The following PIK3C3 variants were observed in gnomAD, a reference collection of about 807,000 sequenced individuals.
PIK3C3 encodes the protein PI3-kinase type 3.
A neutral mutation model predicts 126.1 loss-of-function variants in PIK3C3; 95 were observed. The ratio of observed to expected loss-of-function variants is 0.75; its 90% CI spans 0.64 to 0.89. PIK3C3 has a LOEUF of 0.89. PIK3C3 is among the 40% of genes least tolerant of loss of function. PIK3C3 has a pLI of 0.00. For synonymous variants in PIK3C3, 374 were observed against 360.0 expected (o/e 1.04, Z -0.44); for missense variants, 829 against 1,063.2 (o/e 0.78, Z 3.06).
chr18:42,047,436 C>T (rs558542655), intron 20 of PIK3C3, among the ~76,000 whole-genome samples: 32 of 152,200 alleles, frequency 2.1e-4, no homozygotes, highest in African/African-American at 7.5e-4. Context: ...AATTTAATAT[C>T]CCTCAGTAAG....
rs1598919198 is a variant in PIK3C3 at position 42,037,715 on chromosome 18, G to T, written c.1863G>T (p.Leu621Phe). Residue 621 changes from leucine (L) to phenylalanine (F), a missense_variant, in exon 17 of 25, where the codon TTG (leucine) becomes TTT (phenylalanine). Coordinates refer to ENST00000262039, the MANE Select transcript of PIK3C3 (RefSeq NM_002647.4). Reference protein sequence around the residue: ...LFKSALMPAQLFFKTEDGGKY... With the variant: ...LFKSALMPAQFFFKTEDGGKY... ...AGAGTGCCCTTATGCCTGCACAGTT[G>T]TTTTTTAAGACGGAAGATGGAGGCA... The T allele has an allele frequency of 6.2e-7, 1 of 1,611,994 alleles. No homozygotes were observed. Among genetic ancestry groups the T allele is most frequent in the Non-Finnish European group, 8.5e-7 (1 of 1,178,558 alleles).
chr18:41,969,779 G>A (rs960011901), intron 3 of PIK3C3, among the ~76,000 whole-genome samples: 2 of 152,070 alleles, frequency 1.3e-5, no homozygotes, highest in African/African-American at 4.8e-5. Flanking sequence ...GTTACCTTGT[G>A]GGATACAAGT....
chr18:42,006,833 A>C (rs1178950477), intron 10 of PIK3C3, among the ~76,000 whole-genome samples: 1 of 146,740 alleles, frequency 6.8e-6, no homozygotes, highest in Non-Finnish European at 1.5e-5. Context: ...GGGGGAGGGT[A>C]GGTGGGTATG....
chr18:42,008,677 G>A (rs371073561), intron 10 of PIK3C3, among the ~76,000 whole-genome samples: 1 of 148,294 alleles, frequency 6.7e-6, no homozygotes, highest in Non-Finnish European at 1.5e-5. Flanking sequence ...TGGAAGCCTG[G>A]TTTTTTTTTT....
chr18:42,021,991 C>T (rs1196280540), intron 13 of PIK3C3, among the ~76,000 whole-genome samples: 3 of 152,174 alleles, frequency 2.0e-5, no homozygotes, highest in South Asian at 2.1e-4. Flanking sequence ...ATACAAAATA[C>T]GATTTTGTTT....
chr18:42,028,653 T>G (rs958985439), intron 14 of PIK3C3, among the ~76,000 whole-genome samples: 3 of 152,238 alleles, frequency 2.0e-5, no homozygotes, highest in Non-Finnish European at 1.5e-5. Flanking sequence ...CTAATCTCGT[T>G]TCTGTTACAG....
chr18:42,080,980 G>A (rs1355217959), intron 24 of PIK3C3, 143 bp from the exon 25 acceptor site: 2 of 553,518 alleles, frequency 3.6e-6, no homozygotes, highest in South Asian at 3.0e-5. Context: ...ATAGTTAATT[G>A]CAATCCTCTT....
chr18:42,027,554 C>A lies in PIK3C3; in HGVS notation c.1590+6C>A. 6.3e-7 allele frequency: 1 copy of A among 1,579,806 alleles called. No individual in the cohort carries two copies. Among genetic ancestry groups the A allele is most frequent in the Admixed American group, 1.7e-5 (1 of 59,394 alleles). On this transcript the variant is annotated splice_donor_region_variant and intron_variant, in intron 14 of 24. Coordinates refer to ENST00000262039, the MANE Select transcript of PIK3C3 (RefSeq NM_002647.4). ...TCAGCCAAGCATTGTTGAAGGTAAC[C>A]CTTAAATGTGAGGGTTGGCAAACTG...
At chr18:42,055,347 A>C (rs184362149) in intron 21 of PIK3C3, among the ~76,000 whole-genome samples, 2 of 152,294 alleles carry the variant, frequency 1.3e-5, no homozygotes, top group African/African-American at 4.8e-5. Context: ...TAACTGAGTG[A>C]AAATACTGCT....
At chr18:42,035,624 G>A (rs1027016049) in intron 16 of PIK3C3, among the ~76,000 whole-genome samples, 6 of 152,084 alleles carry the variant, frequency 3.9e-5, no homozygotes, top group African/African-American at 1.4e-4. Flanking sequence ...CAGTTGCTAC[G>A]TAATATTAGT....
At chr18:42,079,181 A>G (rs1049776215) in intron 24 of PIK3C3, among the ~76,000 whole-genome samples, 4 of 152,190 alleles carry the variant, frequency 2.6e-5, no homozygotes, top group Non-Finnish European at 4.4e-5. Flanking sequence ...AAAGCCAGAG[A>G]TATGCGACTC....
chr18:42,048,410 C>T (rs538408310), intron 20 of PIK3C3, among the ~76,000 whole-genome samples: 10 of 152,286 alleles, frequency 6.6e-5, no homozygotes, highest in Middle Eastern at 6.8e-3. Context: ...AACTGCTTTC[C>T]TTGCATCTAT....
chr18:41,968,818 G>GC (rs1555671651), intron 3 of PIK3C3, among the ~76,000 whole-genome samples: 6 of 147,104 alleles, frequency 4.1e-5, no homozygotes, highest in Non-Finnish European at 9.1e-5. Context: ...TTTTTTTGTT[G>GC]TTTTTTTTTT....
intron 5 of PIK3C3, among the ~76,000 whole-genome samples, chr18:41,990,231 T>A (rs531096766): frequency 7.1e-4 from 108 of 152,230 alleles, no homozygotes; most frequent in African/African-American, 2.4e-3. Flanking sequence ...GAGAAAGCAG[T>A]TATAAGTGCA....
At chr18:41,970,710 A>G (rs904337343) in intron 4 of PIK3C3, 1 of 590,184 alleles carries the variant, frequency 1.7e-6, no homozygotes, top group African/African-American at 1.9e-5. Context: ...ATCACCCCTA[A>G]AAGAAACCGC....
intron 10 of PIK3C3, among the ~76,000 whole-genome samples, chr18:42,007,179 A>G (rs1200638821): frequency 6.6e-6 from 1 of 152,114 alleles, no homozygotes. Flanking sequence ...TAAAAATCAT[A>G]TTCTTGAATA....
intron 12 of PIK3C3, among the ~76,000 whole-genome samples, chr18:42,019,623 A>G (rs1983233409): frequency 6.6e-6 from 1 of 151,946 alleles, no homozygotes; most frequent in African/African-American, 2.4e-5. Flanking sequence ...TTGATATCTT[A>G]ATGTTCCTCA....
At chr18:42,076,147 C>CAT (rs35001905) in intron 24 of PIK3C3, among the ~76,000 whole-genome samples, 66 of 34,168 alleles carry the variant, frequency 1.9e-3, no homozygotes, top group African/African-American at 5.4e-3. Flanking sequence ...TATATATGCG[C>CAT]ATATATATAT....
rs185640364 is a variant in PIK3C3 at position 42,040,810 on chromosome 18, C to T, written c.2103+69C>T. 1.9e-4 allele frequency: 198 copies of T among 1,022,270 alleles called. 1 individual carries two copies. In the African/African-American group the frequency reaches 2.7e-3, roughly 14 times the overall value. The allele number at this position is 1,022,270 out of a possible 1,614,324, so 63.3% of individuals were successfully genotyped here. A position where few individuals can be genotyped will look rare whatever the true frequency, so the allele number is the denominator to read the frequency against. Reference sequence around the variant, plus strand: ...GTCATAAAAAATTCAGTCTTTATAACATAGAGTTAAAAATGAAAGTCTCCT... The same window carrying T: ...GTCATAAAAAATTCAGTCTTTATAATATAGAGTTAAAAATGAAAGTCTCCT... On this transcript the variant is annotated intron_variant, in intron 19 of 24. Coordinates refer to ENST00000262039, the MANE Select transcript of PIK3C3 (RefSeq NM_002647.4).
Sources: allele counts gnomAD v4.1 joint callset (sites outside exome capture counted in the v4.1 genomes callset), GRCh38; gene constraint gnomAD v4.1.1; transcripts MANE v1.5; gene names NCBI Gene and HGNC (gene_info 2026-07-23, HGNC 2026-07-21).